EYA4: variants seen among roughly 807,000 people sequenced by gnomAD.
EYA4 encodes the protein EYA transcriptional coactivator and phosphatase 4, also known as protein phosphatase EYA4.
EYA4 carries 31 observed loss-of-function variants against 87.9 expected under a neutral mutation model. The observed-to-expected ratio is 0.35, with a 90% confidence interval of 0.27 to 0.48. EYA4 has a LOEUF of 0.48. Among genes scored for constraint, EYA4 ranks in the 20% least tolerant of loss-of-function variants. The probability of loss-of-function intolerance (pLI) is 0.99; values close to 1 mark genes in which losing one functional copy is unlikely to be tolerated. For synonymous variants in EYA4, 263 were observed against 270.6 expected, an observed-to-expected ratio of 0.97 and a Z score of 0.28; for missense variants, 678 against 761.4, an observed-to-expected ratio of 0.89 and a Z score of 1.29.
intron 6 of EYA4, among the ~76,000 whole-genome samples, chr6:133,458,028 T>A (rs1383191331): frequency 6.6e-6 from 1 of 152,108 alleles, no homozygotes; most frequent in African/African-American, 2.4e-5. Flanking sequence ...TAAACAAATC[T>A]AAAACCATGT....
chr6:133,402,565 T>C (rs919463437), intron 3 of EYA4, among the ~76,000 whole-genome samples: 6 of 152,204 alleles, frequency 3.9e-5, no homozygotes, highest in African/African-American at 7.2e-5. Context: ...ACACAAATGT[T>C]GAAATCTACT....
At chr6:133,381,612 A>G (rs1355371400) in intron 2 of EYA4, among the ~76,000 whole-genome samples, 1 of 152,092 alleles carries the variant, frequency 6.6e-6, no homozygotes, top group African/African-American at 2.4e-5. Flanking sequence ...ATAAATGTAT[A>G]TTGTACATTT....
chr6:133,432,478 G>A (rs566265654), intron 3 of EYA4, among the ~76,000 whole-genome samples: 3 of 150,604 alleles, frequency 2.0e-5, no homozygotes, highest in South Asian at 4.2e-4. Flanking sequence ...TCACTAAGAC[G>A]GCTGGTTGAC....
At chr6:133,425,378 T>C (rs1057460184) in intron 3 of EYA4, among the ~76,000 whole-genome samples, 1 of 150,372 alleles carries the variant, frequency 6.7e-6, no homozygotes, top group Non-Finnish European at 1.5e-5. Flanking sequence ...CACAGAGCAG[T>C]TGACCTGAAT....
chr6:133,328,092 G>C (rs1781644925), intron 2 of EYA4, among the ~76,000 whole-genome samples: 1 of 152,160 alleles, frequency 6.6e-6, no homozygotes, highest in Non-Finnish European at 1.5e-5. Flanking sequence ...CAAGAAGTCA[G>C]ACTACCTGAT....
intron 2 of EYA4, among the ~76,000 whole-genome samples, chr6:133,296,924 G>C (rs1338235056): frequency 6.6e-6 from 1 of 152,108 alleles, no homozygotes; most frequent in African/African-American, 2.4e-5. Flanking sequence ...AGCAAGACAG[G>C]TGTGTTAAAT....
chr6:133,286,097 A>C (rs530312582), intron 2 of EYA4, among the ~76,000 whole-genome samples: 1 of 152,304 alleles, frequency 6.6e-6, no homozygotes, highest in East Asian at 1.9e-4. Flanking sequence ...AGAATGAGGC[A>C]GTGAGAAGCC....
In EYA4 at chr6:133,461,828, T is replaced by C. The variant is rs549565252; in HGVS notation, c.438-507T>C. Among the ~76,000 whole-genome samples, 5 of 150,872 alleles carry C rather than the reference T, an allele frequency of 3.3e-5. No individual in the cohort carries two copies. The East Asian group carries it at 9.7e-4, about 29-fold the overall frequency. On this transcript the variant is annotated intron_variant, in intron 7 of 19. Transcript: ENST00000355286. ...GATGTTCCTTTTTTTTTTTTTTTTT[T>C]AAGGAAGCTTCCTACCTTTCTTTTT...
intron 3 of EYA4, among the ~76,000 whole-genome samples, chr6:133,431,837 AC>A (rs1372829379): frequency 2.6e-5 from 4 of 152,180 alleles, no homozygotes; most frequent in Non-Finnish European, 4.4e-5. Flanking sequence ...ATATTTAAAA[AC>A]TTTTTTGGCA....
chr6:133,450,519 T>C (rs1215040372), intron 5 of EYA4, among the ~76,000 whole-genome samples: 2 of 152,202 alleles, frequency 1.3e-5, no homozygotes, highest in African/African-American at 2.4e-5. Flanking sequence ...TATTTATTTA[T>C]TTAAGATGGA....
At chr6:133,491,265 C>T (rs1366846840) in intron 13 of EYA4, among the ~76,000 whole-genome samples, 2 of 151,722 alleles carry the variant, frequency 1.3e-5, no homozygotes, top group East Asian at 1.9e-4. Flanking sequence ...AGAAAAACTT[C>T]AAATAAACCA....
chr6:133,396,051 G>A (rs1787766398), intron 3 of EYA4, among the ~76,000 whole-genome samples: 1 of 152,010 alleles, frequency 6.6e-6, no homozygotes, highest in African/African-American at 2.4e-5. Context: ...TCCTATCTTA[G>A]GATGACTTTT....
chr6:133,280,388 T>A (rs185051637), intron 2 of EYA4, among the ~76,000 whole-genome samples: 141 of 152,304 alleles, frequency 9.3e-4, no homozygotes, highest in African/African-American at 3.2e-3. Flanking sequence ...TAAGCATTTT[T>A]AAAATAATAG....
At chr6:133,370,811 A>G (rs1212156049) in intron 2 of EYA4, among the ~76,000 whole-genome samples, 1 of 151,110 alleles carries the variant, frequency 6.6e-6, no homozygotes, top group African/African-American at 2.5e-5. Flanking sequence ...TAGATATGTC[A>G]TATTTTTAAG....
chr6:133,385,316 A>C (rs1462192968), intron 3 of EYA4, among the ~76,000 whole-genome samples: 3 of 126,314 alleles, frequency 2.4e-5, no homozygotes, highest in East Asian at 4.8e-4. Flanking sequence ...AAAAAAAAAA[A>C]CCCACAAAAT....
At chr6:133,443,744 T>A (rs1792532993) in intron 3 of EYA4, among the ~76,000 whole-genome samples, 1 of 152,152 alleles carries the variant, frequency 6.6e-6, no homozygotes, top group African/African-American at 2.4e-5. Context: ...AAATATTTAT[T>A]ATATTTACTT....
In EYA4 at chr6:133,528,966, G is replaced by A; in HGVS notation, c.*161G>A. On this transcript the variant is annotated 3_prime_UTR_variant, in exon 20 of 20. Coordinates refer to ENST00000355286, the MANE Select transcript of EYA4 (RefSeq NM_004100.5). ...TGAAGAATTCAGATTGCTGAATGGA[G>A]TTAAACTTTAGTGCTACAGAAAAGA... is the stretch of plus-strand genomic sequence containing the variant. 3.4e-6 allele frequency: 5 copies of A among 1,489,012 alleles called. No individual in the cohort carries two copies. The highest frequency in any genetic ancestry group is 4.5e-6 in the Non-Finnish European group (5 of 1,118,300). 92.2% of individuals were successfully genotyped at this position (1,489,012 alleles called of 1,614,324 possible). A position where few individuals can be genotyped will look rare whatever the true frequency, so the allele number is the denominator to read the frequency against.
intron 2 of EYA4, among the ~76,000 whole-genome samples, chr6:133,305,080 A>C (rs1779703771): frequency 3.9e-5 from 6 of 152,174 alleles, no homozygotes; most frequent in Admixed American, 3.3e-4. Flanking sequence ...CAATTAATTG[A>C]GGGTATTTGA....
In EYA4 at chr6:133,483,088, C is replaced by G; in HGVS notation, c.1164C>G (p.Thr388=). Residue 388 remains threonine, a synonymous_variant, in exon 13 of 20, where the codon ACC becomes ACG. Transcript: ENST00000355286. Reference sequence around the variant, plus strand: ...TCATTGTTTTTCACTCACTGCTCACCGGGTCTTATGCACAGAAGTATGGCA... The same window carrying G: ...TCATTGTTTTTCACTCACTGCTCACGGGGTCTTATGCACAGAAGTATGGCA... The part of the protein sequence containing the change: ...ETIIVFHSLL[T]GSYAQKYGKD... 6.2e-7 allele frequency: 1 copy of G among 1,612,612 alleles called. No individual in the cohort carries two copies. The highest frequency in any genetic ancestry group is 8.5e-7 in the Non-Finnish European group (1 of 1,179,016).
Sources: allele counts gnomAD v4.1 joint callset (sites outside exome capture counted in the v4.1 genomes callset), GRCh38; gene constraint gnomAD v4.1.1; transcripts MANE v1.5; gene names NCBI Gene and HGNC (gene_info 2026-07-23, HGNC 2026-07-21).